ITGA11: variants seen among roughly 807,000 people sequenced by gnomAD.
The protein encoded by ITGA11 is integrin subunit alpha 11, also known as integrin alpha-11.
ITGA11 carries 97 observed loss-of-function variants against 141.9 expected under a neutral mutation model. The ratio of observed to expected loss-of-function variants is 0.68; its 90% CI spans 0.58 to 0.81. The LOEUF (loss-of-function observed/expected upper bound fraction) is 0.81, where lower values mean the gene tolerates loss of function less well. ITGA11 is among the 30% of genes least tolerant of loss of function. The pLI is 0.00. For synonymous variants in ITGA11, 658 were observed against 624.6 expected, an observed-to-expected ratio of 1.05 and a Z score of -0.80; for missense variants, 1,387 against 1,559.2, an observed-to-expected ratio of 0.89 and a Z score of 1.86.
At chr15:68,389,922 A>G (rs933260459) in intron 2 of ITGA11, among the ~76,000 whole-genome samples, 17 of 152,222 alleles carry the variant, frequency 1.1e-4, no homozygotes, top group Non-Finnish European at 2.5e-4. Flanking sequence ...GGCCCTCTGC[A>G]AGCCCTGCAT....
At chr15:68,350,064 C>T (rs757720590) in intron 9 of ITGA11, among the ~76,000 whole-genome samples, 9 of 152,330 alleles carry the variant, frequency 5.9e-5, no homozygotes, top group South Asian at 2.1e-4. Flanking sequence ...CACTCAACTC[C>T]GTTGAGTTTC....
chr15:68,332,273 G>A lies in ITGA11; in HGVS notation c.1566+65C>T, dbSNP rs1482922489. ...TCGCTAGTAACGCATTTCCGTCGTG[G>A]CTACCCAAGTCAAAGCAGAGGTTGG... On this transcript the variant is annotated intron_variant, in intron 13 of 29. Transcript: ENST00000315757. 5 of 1,531,012 alleles carry A rather than the reference G, an allele frequency of 3.3e-6. No homozygotes were observed. The African/African-American group carries it at 5.5e-5, about 17-fold the overall frequency. 94.8% of individuals were successfully genotyped at this position (1,531,012 alleles called of 1,614,324 possible). A position where few individuals can be genotyped will look rare whatever the true frequency, so the allele number is the denominator to read the frequency against.
intron 2 of ITGA11, among the ~76,000 whole-genome samples, chr15:68,388,622 G>A (rs1896043022): frequency 6.6e-6 from 1 of 152,188 alleles, no homozygotes. Flanking sequence ...TACTCAAGAA[G>A]TATTAATGGA....
At chr15:68,385,969 C>G (rs1276579297) in intron 2 of ITGA11, among the ~76,000 whole-genome samples, 1 of 152,178 alleles carries the variant, frequency 6.6e-6, no homozygotes, top group Admixed American at 6.5e-5. Flanking sequence ...ACCTGCGCCT[C>G]CTGGGCCTGT....
chr15:68,369,156 T>C, intron 3 of ITGA11, 28 bp downstream of exon 3: 3 of 1,546,340 alleles, frequency 1.9e-6, no homozygotes, highest in Non-Finnish European at 2.7e-6. Context: ...GCTGGCCTCA[T>C]TGTGAAGAGA....
chr15:68,408,432 G>A (rs111233159), intron 1 of ITGA11, among the ~76,000 whole-genome samples: 3,410 of 152,202 alleles, frequency 0.022, 119 homozygotes, highest in African/African-American at 0.077. Flanking sequence ...CTCCATGAGG[G>A]CAGGATGGGG....
intron 10 of ITGA11, among the ~76,000 whole-genome samples, chr15:68,340,346 G>A (rs926444365): frequency 3.3e-5 from 5 of 152,202 alleles, no homozygotes; most frequent in African/African-American, 4.8e-5. Flanking sequence ...ATGTTTACCC[G>A]TGTACCTGAA....
Position 68,299,732 on chromosome 15 carries a change from G to A in ITGA11, c.*3327C>T, listed in dbSNP as rs1253006835. 6.6e-6 allele frequency: 1 copy of A among 152,222 alleles called. No individual in the cohort carries two copies. Among genetic ancestry groups the A allele is most frequent in the Non-Finnish European group, 1.5e-5 (1 of 68,036 alleles). The allele number at this position is 152,222 out of a possible 1,614,324, so 9.4% of individuals were successfully genotyped here. ...AAGTCTAATGTCTTATTCTCAGACA[G>A]TATTGATGCTAAAACCTTTTGAATA... On this transcript the variant is annotated 3_prime_UTR_variant, in exon 30 of 30. Transcript: ENST00000315757.
At position 68,350,593 on chromosome 15, in the gene ITGA11, C is replaced by A. The variant is rs370981430; in HGVS notation, c.1060+24G>T. 1.6e-5 allele frequency: 25 copies of A among 1,602,702 alleles called. 1 individual carries two copies. The highest frequency in any genetic ancestry group is 2.1e-5 in the Non-Finnish European group (25 of 1,173,160). Reference sequence around the variant, plus strand: ...GACATAAGCCCAGGAGAGAGTGGATCCCCTCTTAGCATGCATTGCTTACCT... The same window carrying A: ...GACATAAGCCCAGGAGAGAGTGGATACCCTCTTAGCATGCATTGCTTACCT... On this transcript the variant is annotated intron_variant, in intron 9 of 29. Coordinates refer to ENST00000315757, the MANE Select transcript of ITGA11 (RefSeq NM_001004439.2).
intron 10 of ITGA11, 113 bp from the exon 11 acceptor site, chr15:68,339,757 T>C: frequency 8.3e-7 from 1 of 1,205,764 alleles, no homozygotes; most frequent in Non-Finnish European, 1.2e-6. Context: ...GGGCACCTTC[T>C]CCTGGGTGCA....
chr15:68,428,064 T>A (rs1897185933), intron 1 of ITGA11, among the ~76,000 whole-genome samples: 1 of 151,980 alleles, frequency 6.6e-6, no homozygotes, highest in Non-Finnish European at 1.5e-5. Flanking sequence ...TTATGATGGA[T>A]CCTAGAACAA....
intron 1 of ITGA11, among the ~76,000 whole-genome samples, chr15:68,419,327 T>C (rs1165775236): frequency 6.6e-6 from 1 of 152,216 alleles, no homozygotes; most frequent in Non-Finnish European, 1.5e-5. Context: ...CATGACTCCA[T>C]CTGCCTTTGC....
chr15:68,425,226 A>G (rs920654726), intron 1 of ITGA11, among the ~76,000 whole-genome samples: 3 of 152,196 alleles, frequency 2.0e-5, no homozygotes, highest in Admixed American at 6.5e-5. Context: ...CGGTTTGATG[A>G]GCGCTTGGCC....
chr15:68,420,876 G>A (rs866145369), intron 1 of ITGA11, among the ~76,000 whole-genome samples: 41 of 152,134 alleles, frequency 2.7e-4, no homozygotes, highest in Middle Eastern at 3.2e-3. Context: ...TAAAAGCCTC[G>A]GAGAGACTAA....
chr15:68,382,601 A>C (rs2140378705), intron 2 of ITGA11, among the ~76,000 whole-genome samples: 1 of 152,322 alleles, frequency 6.6e-6, no homozygotes, highest in East Asian at 1.9e-4. Flanking sequence ...TGAAGAGGCC[A>C]AGATGAATAA....
intron 2 of ITGA11, among the ~76,000 whole-genome samples, chr15:68,387,499 C>T (rs1256820216): frequency 6.6e-6 from 1 of 152,182 alleles, no homozygotes; most frequent in Non-Finnish European, 1.5e-5. Flanking sequence ...TCCAGCAATC[C>T]GATTTAGCAA....
intron 2 of ITGA11, among the ~76,000 whole-genome samples, chr15:68,371,083 C>T (rs758720271): frequency 6.6e-5 from 10 of 152,190 alleles, no homozygotes; most frequent in Admixed American, 2.6e-4. Context: ...TTATTAAGCC[C>T]GCCTATTTTT....
In ITGA11 at chr15:68,304,475, T is replaced by C. The variant is rs1893126345; in HGVS notation, c.3382-590A>G. On this transcript the variant is annotated intron_variant, in intron 28 of 29. Coordinates refer to ENST00000315757, the MANE Select transcript of ITGA11 (RefSeq NM_001004439.2). This position sits in a 1 kb window ranked among gnomAD's most constrained non-coding sequence, Gnocchi z 6.1. ...TTATAAACCATAATTTTAAATACTT[T>C]TTTCCTATGGAGGAAGGTGTCCCAA... 6.6e-6 allele frequency among the ~76,000 whole-genome samples: 1 copy of C among 152,338 alleles called. No homozygotes were observed.
At chr15:68,315,320 G>C (rs1039749729) in intron 22 of ITGA11, among the ~76,000 whole-genome samples, 1 of 152,190 alleles carries the variant, frequency 6.6e-6, no homozygotes. Flanking sequence ...GCCTCTGTGA[G>C]GACTGAGATT....
Sources: allele counts gnomAD v4.1 joint callset (sites outside exome capture counted in the v4.1 genomes callset), GRCh38; gene constraint gnomAD v4.1.1; non-coding constraint Gnocchi (gnomAD v3.1); transcripts MANE v1.5; gene names NCBI Gene and HGNC (gene_info 2026-07-23, HGNC 2026-07-21).